The following FOLH1 variants were observed in gnomAD, a reference collection of about 807,000 sequenced individuals.
The protein encoded by FOLH1 is glutamate carboxypeptidase 2.
A neutral mutation model predicts 93.9 loss-of-function variants in FOLH1; 54 were observed. That is an observed-to-expected ratio of 0.57 (90% CI 0.46 to 0.72). FOLH1 has a LOEUF of 0.72. FOLH1 is among the 30% of genes least tolerant of loss of function. FOLH1 has a pLI of 0.00. For missense variants in FOLH1, 571 were observed against 892.5 expected, an observed-to-expected ratio of 0.64 and a Z score of 4.59; for synonymous variants, 249 against 303.6, an observed-to-expected ratio of 0.82 and a Z score of 1.87.
intron 1 of FOLH1, 40 bp downstream of exon 1, chr11:49,208,252 G>C: frequency 1.4e-6 from 2 of 1,394,188 alleles, no homozygotes; most frequent in East Asian, 5.0e-5. Context: ...CGGCACCACG[G>C]GGAAGACTCC....
intron 7 of FOLH1, among the ~76,000 whole-genome samples, chr11:49,179,180 C>T (rs2135142672): frequency 6.6e-6 from 1 of 152,250 alleles, no homozygotes; most frequent in East Asian, 1.9e-4. Context: ...GGCGAAGAGC[C>T]TTCCAGGCAC....
chr11:49,153,979 G>A (rs1341818146), intron 16 of FOLH1, 52 bp from the exon 17 acceptor site: 1 of 1,448,218 alleles, frequency 6.9e-7, no homozygotes, highest in East Asian at 2.3e-5. Flanking sequence ...ATTTCTAATG[G>A]CACTGCTCTA....
intron 16 of FOLH1, 138 bp from the exon 17 acceptor site, chr11:49,154,065 G>A: frequency 7.5e-7 from 1 of 1,326,510 alleles, no homozygotes; most frequent in Non-Finnish European, 1.0e-6. Flanking sequence ...TATATTATAA[G>A]ACGTGAGCAT....
intron 11 of FOLH1, 140 bp from the exon 12 acceptor site, chr11:49,169,398 CAT>C: frequency 1.5e-6 from 1 of 648,782 alleles, no homozygotes; most frequent in Non-Finnish European, 2.6e-6. Context: ...AAGAAATTCT[CAT>C]AAAAGAGCTG....
At chr11:49,182,636 T>TCC (rs1860901135) in intron 7 of FOLH1, among the ~76,000 whole-genome samples, 1 of 152,152 alleles carries the variant, frequency 6.6e-6, no homozygotes, top group African/African-American at 2.4e-5. Flanking sequence ...CCTGAGAAAG[T>TCC]CCTTAGACTG....
In FOLH1 at chr11:49,161,040, C is replaced by T. The variant is rs980973993; in HGVS notation, c.1441-2997G>A. The stretch of plus-strand genomic sequence containing the variant: ...TTTGCTTTTGCTGAGGAGTGTTTTA[C>T]TTCCAATTATGTGATCAATTTTAGA... On this transcript the variant is annotated intron_variant, in intron 13 of 18. Coordinates refer to ENST00000256999, the MANE Select transcript of FOLH1 (RefSeq NM_004476.3). Among the ~76,000 whole-genome samples, 9 of 151,784 alleles carry T rather than the reference C, an allele frequency of 5.9e-5. 1 individual carries two copies. The highest frequency in any genetic ancestry group is 2.2e-4 in the African/African-American group (9 of 41,290).
At chr11:49,152,272 A>C (rs1413749309) in intron 17 of FOLH1, among the ~76,000 whole-genome samples, 1 of 152,066 alleles carries the variant, frequency 6.6e-6, no homozygotes, top group Non-Finnish European at 1.5e-5. Flanking sequence ...CAAAATTGAG[A>C]CTTTTTCCTA....
At chr11:49,198,392 G>C (rs945183634) in intron 3 of FOLH1, among the ~76,000 whole-genome samples, 1 of 151,514 alleles carries the variant, frequency 6.6e-6, no homozygotes, top group South Asian at 2.1e-4. Context: ...TGAGACAGGA[G>C]AATGGTGTGA....
intron 15 of FOLH1, among the ~76,000 whole-genome samples, chr11:49,155,060 G>A (rs1020624842): frequency 7.2e-5 from 11 of 151,904 alleles, no homozygotes; most frequent in Non-Finnish European, 1.3e-4. Flanking sequence ...CAAAAGTATA[G>A]GTAGAAGGAA....
intron 12 of FOLH1, 116 bp from the exon 13 acceptor site, chr11:49,164,888 G>C: frequency 1.2e-6 from 1 of 814,194 alleles, no homozygotes; most frequent in East Asian, 2.8e-5. Flanking sequence ...GATTTCAACT[G>C]TAACTCTCCA....
intron 17 of FOLH1, among the ~76,000 whole-genome samples, chr11:49,150,025 A>G (rs189460502): frequency 1.3e-5 from 2 of 152,274 alleles, no homozygotes; most frequent in Admixed American, 6.5e-5. Context: ...GCTTAATCAT[A>G]GCTCAGTATA....
At chr11:49,151,375 C>CAG (rs35833041) in intron 17 of FOLH1, among the ~76,000 whole-genome samples, 1 of 152,234 alleles carries the variant, frequency 6.6e-6, no homozygotes, top group Admixed American at 6.5e-5. Flanking sequence ...TACAAAAACT[C>CAG]GTGGCCACAC....
chr11:49,164,839 C>T lies in FOLH1; in HGVS notation c.1373-67G>A, dbSNP rs895516143. 2.1e-5 allele frequency: 26 copies of T among 1,220,484 alleles called. 2 individuals carry two copies. The Admixed American group carries it at 4.2e-4, about 19-fold the overall frequency. 75.6% of individuals were successfully genotyped at this position (1,220,484 alleles called of 1,614,324 possible). A position where few individuals can be genotyped will look rare whatever the true frequency, so the allele number is the denominator to read the frequency against. ...TTCTGTTATTATTTTCTTCAAAGAC[C>T]ACTGCTAAATTCCTACCAGAATGAT... is the stretch of plus-strand genomic sequence containing the variant. On this transcript the variant is annotated intron_variant, in intron 12 of 18. Transcript: ENST00000256999.
At chr11:49,190,726 G>A (rs1415134680) in intron 4 of FOLH1, among the ~76,000 whole-genome samples, 6 of 152,128 alleles carry the variant, frequency 3.9e-5, no homozygotes, top group Non-Finnish European at 4.4e-5. Context: ...TATGAACATC[G>A]CAAATTGCTA....
In FOLH1 at chr11:49,171,286, T is replaced by C. The variant is rs751699702; in HGVS notation, c.1226-9A>G. On this transcript the variant is annotated splice_polypyrimidine_tract_variant and intron_variant, in intron 10 of 18. Transcript: ENST00000256999. Reference sequence around the variant, plus strand: ...TCTTCTAGGTCTCCACCCTAAAATGTATGTGTATATATAAATGATAGAAAA... The same window carrying C: ...TCTTCTAGGTCTCCACCCTAAAATGCATGTGTATATATAAATGATAGAAAA... The C allele has an allele frequency of 2.6e-6, 4 of 1,549,786 alleles. No homozygotes were observed. Among genetic ancestry groups the C allele is most frequent in the East Asian group, 4.7e-5 (2 of 42,570 alleles).
At chr11:49,194,132 C>CAAA (rs55656827) in intron 3 of FOLH1, among the ~76,000 whole-genome samples, 31 of 71,512 alleles carry the variant, frequency 4.3e-4, no homozygotes, top group South Asian at 1.1e-3. Flanking sequence ...GCCTGGGTGA[C>CAAA]AAAAAAAAAA....
chr11:49,206,568 G>A (rs1310827558), intron 1 of FOLH1, among the ~76,000 whole-genome samples: 1 of 152,084 alleles, frequency 6.6e-6, no homozygotes, highest in African/African-American at 2.4e-5. Flanking sequence ...TTCCTCTGCT[G>A]ACTCAAATAA....
chr11:49,149,222 T>C (rs16906158), intron 17 of FOLH1, among the ~76,000 whole-genome samples: 21,538 of 152,080 alleles, frequency 0.14, 1,960 homozygotes, highest in African/African-American at 0.25. Context: ...ACAAATTAAA[T>C]TGATCTCTCG....
At chr11:49,187,604 C>CT (rs1245740580) in intron 4 of FOLH1, among the ~76,000 whole-genome samples, 7 of 151,492 alleles carry the variant, frequency 4.6e-5, no homozygotes, top group Non-Finnish European at 7.4e-5. Context: ...TTTGTCATCT[C>CT]TTTTTTTTTC....
Sources: allele counts gnomAD v4.1 joint callset (sites outside exome capture counted in the v4.1 genomes callset), GRCh38; gene constraint gnomAD v4.1.1; transcripts MANE v1.5; gene names NCBI Gene and HGNC (gene_info 2026-07-23, HGNC 2026-07-21).